PUM3: variants seen among roughly 807,000 people sequenced by gnomAD.
The protein encoded by PUM3 is pumilio homolog 3.
PUM3 carries 91 observed loss-of-function variants against 84.0 expected under a neutral mutation model. That is an observed-to-expected ratio of 1.08 (90% CI 0.91 to 1.29). PUM3 has a LOEUF of 1.29. Among genes scored for constraint, PUM3 ranks in the 50% most tolerant of loss-of-function variants. The pLI, the probability that PUM3 is intolerant of heterozygous loss-of-function variation, is 0.00. For missense variants in PUM3, 1,067 were observed against 767.5 expected (o/e 1.39, Z -4.61); for synonymous variants, 321 against 266.7 (o/e 1.20, Z -1.98).
Position 2,812,321 on chromosome 9 carries a change from A to C in PUM3, c.1311T>G (p.Tyr437Ter), listed in dbSNP as rs1586718023. The C allele has an allele frequency of 6.3e-7, 1 of 1,596,010 alleles. No homozygotes were observed. Among genetic ancestry groups the C allele is most frequent in the Non-Finnish European group, 8.6e-7 (1 of 1,163,734 alleles). The stretch of plus-strand genomic sequence containing the variant: ...GTAAGTACAATAGGACCTTCCTTCC[A>C]TATTTGTCATTTACTATGCTAGGCA... ...SSLPSIVNDK[Y>*]GRKVLLYLLS... Residue 437 changes from tyrosine to a stop codon, truncating the protein, a stop_gained, in exon 14 of 18, where the codon TAT becomes TAG. Coordinates refer to ENST00000397885, the MANE Select transcript of PUM3 (RefSeq NM_014878.5). LOFTEE classifies it high-confidence loss of function.
intron 5 of PUM3, among the ~76,000 whole-genome samples, chr9:2,832,371 G>C (rs1002345378): frequency 6.6e-6 from 1 of 152,148 alleles, no homozygotes; most frequent in Non-Finnish European, 1.5e-5. Flanking sequence ...CCCCGAGGAA[G>C]AATCTTACTT....
chr9:2,837,044 T>C (rs1816141033), intron 3 of PUM3, 136 bp downstream of exon 3: 1 of 707,594 alleles, frequency 1.4e-6, no homozygotes, highest in East Asian at 2.5e-5. Flanking sequence ...GATGCTTTGT[T>C]GTTTATTTAA....
At position 2,810,436 on chromosome 9, in the gene PUM3, G is replaced by C; in HGVS notation, c.1636-5C>G. 1 of 1,590,372 alleles carries C rather than the reference G, an allele frequency of 6.3e-7. No homozygotes were observed. Among genetic ancestry groups the C allele is most frequent in the Non-Finnish European group, 8.6e-7 (1 of 1,164,246 alleles). On this transcript the variant is annotated splice_region_variant and splice_polypyrimidine_tract_variant and intron_variant, in intron 15 of 17. Transcript: ENST00000397885. ...AGGATGTTCTGCAATGTGAAGCTAT[G>C]AAGGGTCAAGAACAGTTAATTTTAA...
chr9:2,819,055 A>G (rs143475987), intron 13 of PUM3, among the ~76,000 whole-genome samples: 1 of 152,332 alleles, frequency 6.6e-6, no homozygotes, highest in East Asian at 1.9e-4. Flanking sequence ...TATCAAACAG[A>G]AAGGCTTGTG....
In PUM3 at chr9:2,828,716, A is replaced by G; in HGVS notation, c.915T>C (p.Ile305=). ...TTAGAATCTGTTTCATTTCATCCAT[A>G]ATAAGTTCTAATTTTTCTGGCTGTA... ...LEVQPEKLEL[I]MDEMKQILTP... The change falls in exon 9 of 18, where the codon ATT becomes ATC. Residue 305 remains isoleucine (I), a synonymous_variant. Transcript: ENST00000397885. 6.2e-7 allele frequency: 1 copy of G among 1,608,762 alleles called. No homozygotes were observed. The highest frequency in any genetic ancestry group is 1.1e-5 in the South Asian group (1 of 90,926).
Position 2,831,361 on chromosome 9 carries a change from G to C in PUM3, c.517-17C>G, listed in dbSNP as rs1815975625. 3 of 1,495,838 alleles carry C rather than the reference G, an allele frequency of 2.0e-6. No homozygotes were observed. The African/African-American group carries it at 4.2e-5, about 21-fold the overall frequency. 92.7% of individuals were successfully genotyped at this position (1,495,838 alleles called of 1,614,324 possible). On this transcript the variant is annotated splice_polypyrimidine_tract_variant and intron_variant, in intron 5 of 17. Coordinates refer to ENST00000397885, the MANE Select transcript of PUM3 (RefSeq NM_014878.5). ...AAATGCAATCTGCAGGAAAAAGTTT[G>C]AGTTAGACTAATTCTCTTTTGAGAC...
intron 5 of PUM3, among the ~76,000 whole-genome samples, chr9:2,832,272 T>A (rs545434307): frequency 2.6e-5 from 4 of 152,188 alleles, no homozygotes; most frequent in African/African-American, 9.7e-5. Flanking sequence ...TATTTATAAC[T>A]CAAAGCAACA....
intron 12 of PUM3, among the ~76,000 whole-genome samples, chr9:2,821,146 C>G (rs1045544678): frequency 2.8e-4 from 42 of 151,952 alleles, no homozygotes; most frequent in African/African-American, 9.9e-4. Flanking sequence ...GACCAACAAC[C>G]AACTAAAAAT....
intron 4 of PUM3, among the ~76,000 whole-genome samples, 200 bp downstream of exon 4, chr9:2,833,831 C>T (rs1415967926): frequency 1.3e-5 from 2 of 152,134 alleles, no homozygotes; most frequent in African/African-American, 4.8e-5. Context: ...TAAGCATATC[C>T]GATGCCATCA....
At chr9:2,810,094 G>A (rs1467039826) in intron 16 of PUM3, among the ~76,000 whole-genome samples, 5 of 149,414 alleles carry the variant, frequency 3.3e-5, no homozygotes, top group South Asian at 2.2e-4. Context: ...CAGAGAGAGT[G>A]AGGGGGCGGT....
At chr9:2,815,910 A>C (rs1251893868) in intron 13 of PUM3, among the ~76,000 whole-genome samples, 1 of 152,236 alleles carries the variant, frequency 6.6e-6, no homozygotes, top group Non-Finnish European at 1.5e-5. Context: ...GGAATTACAA[A>C]AGACTTCCCT....
At chr9:2,820,286 T>G (rs966075901) in intron 12 of PUM3, among the ~76,000 whole-genome samples, 188 bp from the exon 13 acceptor site, 7 of 151,922 alleles carry the variant, frequency 4.6e-5, no homozygotes, top group Admixed American at 3.9e-4. Flanking sequence ...ATGAACTTCC[T>G]CTCTTATCAC....
chr9:2,810,252 T>G, intron 16 of PUM3, 92 bp downstream of exon 16: 32 of 808,966 alleles, frequency 4.0e-5, no homozygotes, highest in Non-Finnish European at 5.9e-5. Context: ...AAACTTCATT[T>G]GAGCTTAAAT....
chr9:2,833,618 G>T (rs1816043639), intron 4 of PUM3, among the ~76,000 whole-genome samples, 186 bp from the exon 5 acceptor site: 1 of 152,048 alleles, frequency 6.6e-6, no homozygotes. Context: ...CTCAAAGGCA[G>T]AAACTCATCT....
At chr9:2,835,566 CATT>C (rs1816100708) in intron 3 of PUM3, among the ~76,000 whole-genome samples, 1 of 20,750 alleles carries the variant, frequency 4.8e-5, no homozygotes, top group Non-Finnish European at 8.4e-5. Context: ...CTTATATATT[CATT>C]CCCTGTCTGG....
intron 1 of PUM3, among the ~76,000 whole-genome samples, chr9:2,839,584 G>C (rs1462388539): frequency 6.6e-6 from 1 of 152,148 alleles, no homozygotes; most frequent in African/African-American, 2.4e-5. Context: ...ACTTTTTCCT[G>C]GAACATCATA....
intron 6 of PUM3, 77 bp downstream of exon 6, chr9:2,831,174 G>A: frequency 8.7e-7 from 1 of 1,144,430 alleles, no homozygotes; most frequent in Non-Finnish European, 1.3e-6. Context: ...TGTTTTCTAG[G>A]ACAGTCTTGG....
chr9:2,804,178 C>A lies in PUM3; in HGVS notation c.*153G>T. 1 of 687,726 alleles carries A rather than the reference C, an allele frequency of 1.5e-6. No homozygotes were observed. Among genetic ancestry groups the A allele is most frequent in the Non-Finnish European group, 2.2e-6 (1 of 452,370 alleles). The allele number at this position is 687,726 out of a possible 1,614,324, so 42.6% of individuals were successfully genotyped here. On this transcript the variant is annotated 3_prime_UTR_variant, in exon 18 of 18. Transcript: ENST00000397885. Reference sequence around the variant, plus strand: ...TTTTAAAAAAGACCATTTAAAAAAACAATTTATATAAATAGATTCGTATAC... The same window carrying A: ...TTTTAAAAAAGACCATTTAAAAAAAAAATTTATATAAATAGATTCGTATAC...
At chr9:2,825,906 C>G (rs1004663411) in intron 10 of PUM3, among the ~76,000 whole-genome samples, 1 of 152,102 alleles carries the variant, frequency 6.6e-6, no homozygotes, top group Non-Finnish European at 1.5e-5. Context: ...CCTCATGCCA[C>G]GAAAGAGAGG....
Sources: gnomAD v4.1 joint callset for allele counts (sites outside exome capture counted in the v4.1 genomes callset) on GRCh38, gnomAD v4.1.1 for gene constraint, MANE v1.5 for transcripts, NCBI Gene and HGNC (gene_info 2026-07-23, HGNC 2026-07-21) for gene names.